ZNF341: variants seen among roughly 807,000 people sequenced by gnomAD.
The protein encoded by ZNF341 is zinc finger protein 341.
Under a neutral mutation model 87.7 loss-of-function variants are expected in ZNF341, and 52 were observed. The observed-to-expected ratio is 0.59, with a 90% CI of 0.47 to 0.75. The LOEUF is 0.75. Ranked by LOEUF, ZNF341 falls within the 30% of genes least tolerant of loss-of-function variation. The pLI, the probability that ZNF341 is intolerant of heterozygous loss-of-function variation, is 0.00. For missense variants in ZNF341, 977 were observed against 1,145.9 expected (o/e 0.85, Z 2.13); for synonymous variants, 459 against 472.7 (o/e 0.97, Z 0.38).
At chr20:33,750,438 G>A (rs920105557) in intron 4 of ZNF341, among the ~76,000 whole-genome samples, 8 of 151,894 alleles carry the variant, frequency 5.3e-5, no homozygotes, top group South Asian at 2.1e-4. Flanking sequence ...AGAGGACCCC[G>A]TGTCCTTTAT....
At chr20:33,786,116 G>T (rs1176874087) in intron 12 of ZNF341, among the ~76,000 whole-genome samples, 2 of 136,312 alleles carry the variant, frequency 1.5e-5, no homozygotes, top group African/African-American at 5.6e-5. Context: ...CAATTCTCCT[G>T]CCTTAGCCTT....
intron 1 of ZNF341, among the ~76,000 whole-genome samples, chr20:33,737,383 G>A (rs1203676496): frequency 3.3e-5 from 5 of 152,062 alleles, no homozygotes; most frequent in Non-Finnish European, 4.4e-5. Flanking sequence ...GTGCAATGGC[G>A]TGATCTCACC....
intron 12 of ZNF341, 51 bp downstream of exon 12, chr20:33,783,915 C>CCCCCTCT (rs1555789152): frequency 3.9e-6 from 6 of 1,546,144 alleles, no homozygotes; most frequent in Non-Finnish European, 5.3e-6. Flanking sequence ...CCTCCCCCTC[C>CCCCCTCT]CCCTCTCCTC....
intron 10 of ZNF341, among the ~76,000 whole-genome samples, chr20:33,780,670 G>A (rs1398582619): frequency 2.6e-5 from 4 of 151,442 alleles, no homozygotes; most frequent in African/African-American, 7.3e-5. Context: ...TCGGCCTCCC[G>A]AAGTACTGGG....
Position 33,788,875 on chromosome 20 carries a change from A to G in ZNF341, c.1865A>G (p.Tyr622Cys). ...HAHIHSGEKP[Y>C]KCSVCESAFN... Reference sequence around the variant, plus strand: ...GTGTCTGCTGCAGGTGAGAAGCCCTACAAATGCTCAGTGTGCGAGTCTGCG... The same window carrying G: ...GTGTCTGCTGCAGGTGAGAAGCCCTGCAAATGCTCAGTGTGCGAGTCTGCG... Residue 622 changes from tyrosine to cysteine, a missense_variant, in exon 13 of 15, where the codon TAC becomes TGC. Tyr to Cys is a radical substitution (Grantham distance 194). Transcript: ENST00000375200. 5.6e-6 allele frequency: 9 copies of G among 1,614,056 alleles called. No homozygotes were observed. Among genetic ancestry groups the G allele is most frequent in the Non-Finnish European group, 7.6e-6 (9 of 1,179,992 alleles).
At chr20:33,764,240 GA>G (rs2019351774) in intron 8 of ZNF341, among the ~76,000 whole-genome samples, 1 of 149,730 alleles carries the variant, frequency 6.7e-6, no homozygotes, top group Non-Finnish European at 1.5e-5. Flanking sequence ...TGTTAGCCAG[GA>G]TGGTCTCCAT....
At chr20:33,778,998 C>T (rs540016680) in intron 10 of ZNF341, among the ~76,000 whole-genome samples, 30 of 152,152 alleles carry the variant, frequency 2.0e-4, no homozygotes, top group African/African-American at 6.5e-4. Context: ...TGTTTTTTGA[C>T]TCTGTATTAG....
At chr20:33,779,392 A>G (rs918256369) in intron 10 of ZNF341, among the ~76,000 whole-genome samples, 2 of 151,526 alleles carry the variant, frequency 1.3e-5, no homozygotes, top group African/African-American at 4.9e-5. Flanking sequence ...ATAGTTCAAC[A>G]TGAGATTTAG....
rs1601300756 is a variant in ZNF341, at chr20:33,791,525, G to A, written c.*8G>A. The A allele has an allele frequency of 6.5e-7, 1 of 1,537,970 alleles. No individual in the cohort carries two copies. The highest frequency in any genetic ancestry group is 8.7e-7 in the Non-Finnish European group (1 of 1,145,488). On this transcript the variant is annotated 3_prime_UTR_variant, in exon 15 of 15. Transcript: ENST00000375200. ...ATCCAGGCCTCCGAGTGACGGACCT[G>A]AGGTGTCTGTTTCCTGGGCAGGCCT...
At position 33,753,489 on chromosome 20, in the gene ZNF341, C is replaced by T. The variant is rs2019105961; in HGVS notation, c.741+66C>T. 4.8e-6 allele frequency: 7 copies of T among 1,471,364 alleles called. No individual in the cohort carries two copies. In the East Asian group the frequency reaches 1.2e-4, roughly 26 times the overall value. 91.1% of individuals were successfully genotyped at this position (1,471,364 alleles called of 1,614,324 possible). On this transcript the variant is annotated intron_variant, in intron 5 of 14. Coordinates refer to ENST00000375200, the MANE Select transcript of ZNF341 (RefSeq NM_001282933.2). Reference sequence around the variant, plus strand: ...GACATCATGGCCAACCCGGACCCATCCTGAGCACCAGCTGTGTGCCAGACA... The same window carrying T: ...GACATCATGGCCAACCCGGACCCATTCTGAGCACCAGCTGTGTGCCAGACA...
At chr20:33,733,696 C>T (rs559046380) in intron 1 of ZNF341, among the ~76,000 whole-genome samples, 10 of 152,298 alleles carry the variant, frequency 6.6e-5, no homozygotes, top group African/African-American at 1.9e-4. Flanking sequence ...TGAAGGATCA[C>T]AATTCGCACC....
At chr20:33,753,503 G>C (rs1367406370) in intron 5 of ZNF341, 80 bp downstream of exon 5, 54 of 1,454,038 alleles carry the variant, frequency 3.7e-5, no homozygotes, top group Non-Finnish European at 4.6e-5. Flanking sequence ...AGCACCAGCT[G>C]TGTGCCAGAC....
chr20:33,788,994 C>CA lies in ZNF341; in HGVS notation c.1964+21dup, dbSNP rs750225262. ...TTTCTCGTGAGTAGAGACTGCCATG[C>CA]AGGGGGGTGGGTAGCGGGACAGATT... On this transcript the variant is annotated intron_variant, in intron 13 of 14. Transcript: ENST00000375200. 5.0e-6 allele frequency: 8 copies of CA among 1,594,200 alleles called. No individual in the cohort carries two copies. Among genetic ancestry groups the CA allele is most frequent in the Non-Finnish European group, 6.0e-6 (7 of 1,163,044 alleles).
intron 5 of ZNF341, 26 bp downstream of exon 5, chr20:33,753,449 AGGACACTGGTCAT>A (rs2019104942): frequency 1.3e-6 from 2 of 1,553,172 alleles, no homozygotes; most frequent in Non-Finnish European, 8.7e-7. Context: ...AGGGTGGAAG[AGGACACTGGTCAT>A]GGACATCATG....
chr20:33,733,698 A>G (rs1030840636), intron 1 of ZNF341, among the ~76,000 whole-genome samples: 10 of 152,146 alleles, frequency 6.6e-5, no homozygotes, highest in African/African-American at 2.2e-4. Flanking sequence ...AAGGATCACA[A>G]TTCGCACCAG....
At chr20:33,770,719 A>C (rs2122706570) in intron 10 of ZNF341, among the ~76,000 whole-genome samples, 1 of 152,276 alleles carries the variant, frequency 6.6e-6, no homozygotes, top group South Asian at 2.1e-4. Flanking sequence ...GGCGGCCCAC[A>C]TCTGTAACCC....
chr20:33,753,651 T>A (rs1568940820), intron 5 of ZNF341, among the ~76,000 whole-genome samples: 1 of 151,976 alleles, frequency 6.6e-6, no homozygotes, highest in Non-Finnish European at 1.5e-5. Context: ...TGGAATGGAG[T>A]ACAGGTTGTA....
rs1392176964 is a variant in ZNF341, at chr20:33,761,829, GCAGGAGGGCACTGA to G, written c.1029-30_1029-17del. 6.9e-7 allele frequency: 1 copy of G among 1,441,454 alleles called. No individual in the cohort carries two copies. Among genetic ancestry groups the G allele is most frequent in the South Asian group, 1.5e-5 (1 of 66,126 alleles). The allele number at this position is 1,441,454 out of a possible 1,614,324, so 89.3% of individuals were successfully genotyped here. On this transcript the variant is annotated intron_variant, in intron 7 of 14. Coordinates refer to ENST00000375200, the MANE Select transcript of ZNF341 (RefSeq NM_001282933.2). The stretch of plus-strand genomic sequence containing the variant: ...GGGCTGAGGCCTCGTCCCCGTTCCT[GCAGGAGGGCACTGA>G]CAAGCTTGTCTTCCACAGCCACACC...
chr20:33,737,012 AAGGT>A (rs1302652448), intron 1 of ZNF341, among the ~76,000 whole-genome samples: 2 of 152,164 alleles, frequency 1.3e-5, no homozygotes, highest in Admixed American at 1.3e-4. Flanking sequence ...GAGGCACAGA[AAGGT>A]AGAGAAGACC....
Sources: allele counts gnomAD v4.1 joint callset (sites outside exome capture counted in the v4.1 genomes callset), GRCh38; gene constraint gnomAD v4.1.1; transcripts MANE v1.5; gene names NCBI Gene and HGNC (gene_info 2026-07-23, HGNC 2026-07-21).